CTPS2: variants seen among roughly 807,000 people sequenced by gnomAD.
CTPS2 encodes CTP synthase 2.
CTPS2 carries 19 observed loss-of-function variants against 46.8 expected under a neutral mutation model. That is an observed-to-expected ratio of 0.41 (90% CI 0.28 to 0.60). CTPS2 has a LOEUF of 0.60. Ranked by LOEUF, CTPS2 falls within the 20% of genes least tolerant of loss-of-function variation. The probability of loss-of-function intolerance (pLI) is 0.35; values close to 1 mark genes in which losing one functional copy is unlikely to be tolerated. For synonymous variants in CTPS2, 151 were observed against 165.2 expected (o/e 0.91, Z 0.66); for missense variants, 286 against 447.6 (o/e 0.64, Z 3.26).
intron 13 of CTPS2, chrX:16,651,288 A>G (rs1932617488): frequency 3.9e-6 from 2 of 515,153 alleles, no homozygotes; most frequent in African/African-American, 2.4e-5. Flanking sequence ...AAGTCAGGCC[A>G]CATTTCAGAA....
chrX:16,689,560 A>G lies in CTPS2; in HGVS notation c.762T>C (p.Pro254=), dbSNP rs751908239. ...IHDVSSTYRV[P]VLLEEQSIVK... ...CAATGCTTTGTTCCTCTAAAAGCAC[A>G]GGAACTCGGTATGTGGAAGAAACAT... Residue 254 remains proline, a synonymous_variant, in exon 8 of 19, where the codon CCT becomes CCC. Coordinates refer to ENST00000359276, the MANE Select transcript of CTPS2 (RefSeq NM_175859.3). 1 of 1,209,569 alleles carries G rather than the reference A, an allele frequency of 8.3e-7. No homozygotes were observed. Among genetic ancestry groups the G allele is most frequent in the Admixed American group, 2.2e-5 (1 of 45,918 alleles).
chrX:16,693,792 A>G (rs1317786514), intron 4 of CTPS2, among the ~76,000 whole-genome samples: 1 of 110,779 alleles, frequency 9.0e-6, no homozygotes, highest in Non-Finnish European at 1.9e-5. Context: ...CCTTTCTCTG[A>G]AAAAATATAA....
At chrX:16,700,090 G>A (rs1231382771) in intron 2 of CTPS2, among the ~76,000 whole-genome samples, 4 of 92,717 alleles carry the variant, frequency 4.3e-5, no homozygotes, top group Non-Finnish European at 6.2e-5. Context: ...GTACTACCAC[G>A]CCTGGCTAAT....
chrX:16,710,310 G>C (rs1047796191), intron 1 of CTPS2, among the ~76,000 whole-genome samples: 2 of 112,040 alleles, frequency 1.8e-5, no homozygotes, highest in Non-Finnish European at 3.8e-5. Context: ...CTGCTTCATG[G>C]ACTCCAAGCA....
intron 8 of CTPS2, among the ~76,000 whole-genome samples, chrX:16,687,487 A>AC (rs1923315825): frequency 9.2e-6 from 1 of 108,862 alleles, no homozygotes; most frequent in Admixed American, 1.0e-4. Context: ...AAAAAAAAAA[A>AC]AAAAAAAGAA....
chrX:16,663,963 G>A (rs868248471), intron 13 of CTPS2, among the ~76,000 whole-genome samples: 3 of 110,983 alleles, frequency 2.7e-5, no homozygotes, highest in Middle Eastern at 9.2e-3. Flanking sequence ...AGCCTCCCGA[G>A]TAGCTGGGAC....
At chrX:16,661,744 C>T (rs1663007481) in intron 13 of CTPS2, among the ~76,000 whole-genome samples, 1 of 110,629 alleles carries the variant, frequency 9.0e-6, no homozygotes, top group African/African-American at 3.3e-5. Flanking sequence ...TATCAAATAC[C>T]AAAATCTCAA....
chrX:16,653,552 G>A (rs1932751444), intron 13 of CTPS2, among the ~76,000 whole-genome samples: 1 of 112,059 alleles, frequency 8.9e-6, no homozygotes, highest in Non-Finnish European at 1.9e-5. Flanking sequence ...GGAAGCTGCA[G>A]TGGGCTGTGA....
intron 2 of CTPS2, among the ~76,000 whole-genome samples, chrX:16,699,709 A>G (rs1269620933): frequency 1.8e-5 from 2 of 112,417 alleles, no homozygotes; most frequent in Non-Finnish European, 1.9e-5. Flanking sequence ...GTATGTTTCT[A>G]AAGCCACCTT....
chrX:16,703,354 A>C (rs1203144094), intron 1 of CTPS2, among the ~76,000 whole-genome samples: 1 of 106,710 alleles, frequency 9.4e-6, no homozygotes, highest in Non-Finnish European at 1.9e-5. Flanking sequence ...TTTAAGAGAC[A>C]GTGTCTCCCT....
At chrX:16,684,416 G>A (rs1363122202) in intron 8 of CTPS2, among the ~76,000 whole-genome samples, 1 of 107,709 alleles carries the variant, frequency 9.3e-6, no homozygotes, top group African/African-American at 3.4e-5. Context: ...GGCTGAGGCA[G>A]GAGAATCACT....
intron 17 of CTPS2, among the ~76,000 whole-genome samples, chrX:16,600,021 C>T (rs1157605958): frequency 8.9e-5 from 10 of 112,040 alleles, no homozygotes; most frequent in East Asian, 5.6e-4. Context: ...TCAAGTGATC[C>T]GCCCGCCTCG....
chrX:16,691,756 C>T (rs1923720391), intron 6 of CTPS2, 136 bp from the exon 7 acceptor site: 1 of 488,464 alleles, frequency 2.0e-6, no homozygotes, highest in African/African-American at 2.4e-5. Context: ...AGAAATTGGT[C>T]TGAGCACTAA....
intron 13 of CTPS2, chrX:16,651,106 C>T: frequency 8.8e-7 from 1 of 1,139,109 alleles, no homozygotes; most frequent in Non-Finnish European, 1.2e-6. Flanking sequence ...TGAACTGAAG[C>T]TATTGATTCA....
chrX:16,641,037 T>C (rs1932054548), intron 13 of CTPS2, among the ~76,000 whole-genome samples: 1 of 112,024 alleles, frequency 8.9e-6, no homozygotes, highest in Admixed American at 9.5e-5. Context: ...ATCTTGTTCC[T>C]ATCTTTGGTT....
At chrX:16,678,284 A>C (rs1209533774) in intron 10 of CTPS2, 78 bp downstream of exon 10, 2 of 653,127 alleles carry the variant, frequency 3.1e-6, no homozygotes, top group African/African-American at 4.4e-5. Context: ...GAAAATTAGC[A>C]ATTAGGGTAA....
Position 16,639,152 on chromosome X carries a change from A to G in CTPS2, c.1388T>C (p.Ile463Thr). The G allele has an allele frequency of 8.4e-7, 1 of 1,188,798 alleles. No homozygotes were observed. The highest frequency in any genetic ancestry group is 1.1e-6 in the Non-Finnish European group (1 of 874,711). Residue 463 changes from isoleucine (I) to threonine (T), a missense_variant, in exon 14 of 19, where the codon ATA becomes ACA. Transcript: ENST00000359276. ...AAACAATATGGGAAACTTACTTAATATTGAATTTTCAGTTTTGAAAACAGT... is the reference window on the plus strand; with the variant it reads ...AAACAATATGGGAAACTTACTTAATGTTGAATTTTCAGTTTTGAAAACAGT... ...RRTVFKTENS[I>T]LRKLYGDVPF...
In CTPS2 at chrX:16,674,780, G is replaced by A. The variant is rs780272617; in HGVS notation, c.1094+3582C>T. ...ATGAACCCAGGAGGCAGAGCTTGCA[G>A]TGAGCAGAGATTGCGCCACTGCACT... On this transcript the variant is annotated intron_variant, in intron 10 of 18. Transcript: ENST00000359276. Among the ~76,000 whole-genome samples, 3 of 107,551 alleles carry A rather than the reference G, an allele frequency of 2.8e-5. No individual in the cohort carries two copies. The East Asian group carries it at 9.0e-4, about 32-fold the overall frequency. 93.4% of individuals were successfully genotyped at this position (107,551 alleles called of 115,157 possible). A position where few individuals can be genotyped will look rare whatever the true frequency, so the allele number is the denominator to read the frequency against.
intron 14 of CTPS2, among the ~76,000 whole-genome samples, chrX:16,628,614 C>T (rs994382675): frequency 1.8e-5 from 2 of 111,629 alleles, no homozygotes; most frequent in African/African-American, 6.5e-5. Context: ...GATTCACCCA[C>T]CTCGGCCTCC....
Sources: allele counts gnomAD v4.1 joint callset (sites outside exome capture counted in the v4.1 genomes callset), GRCh38; gene constraint gnomAD v4.1.1; transcripts MANE v1.5; gene names NCBI Gene and HGNC (gene_info 2026-07-23, HGNC 2026-07-21).